MRTFB: variants seen among roughly 807,000 people sequenced by gnomAD.
The protein encoded by MRTFB is myocardin-related transcription factor B.
Under a neutral mutation model 104.2 loss-of-function variants are expected in MRTFB, and 29 were observed. The observed-to-expected ratio is 0.28, with a 90% CI of 0.21 to 0.38. The LOEUF (loss-of-function observed/expected upper bound fraction) is 0.38. Among genes scored for constraint, MRTFB ranks in the 10% least tolerant of loss-of-function variants. MRTFB has a pLI of 1.00. For synonymous variants in MRTFB, 535 were observed against 519.5 expected (o/e 1.03, Z -0.41); for missense variants, 1,270 against 1,341.6 (o/e 0.95, Z 0.83).
chr16:14,093,395 A>T (rs1179038357), intron 2 of MRTFB, among the ~76,000 whole-genome samples: 2 of 152,090 alleles, frequency 1.3e-5, no homozygotes, highest in Non-Finnish European at 2.9e-5. Context: ...TCCTTTTTTT[A>T]AATTTGCAGT....
At chr16:14,219,608 C>T (rs1251935154) in intron 8 of MRTFB, among the ~76,000 whole-genome samples, 2 of 152,162 alleles carry the variant, frequency 1.3e-5, no homozygotes, top group Admixed American at 6.6e-5. Flanking sequence ...TCTGCTTTAA[C>T]CCTTATACAA....
At chr16:14,162,359 G>GT (rs2039075145) in intron 3 of MRTFB, among the ~76,000 whole-genome samples, 1 of 148,120 alleles carries the variant, frequency 6.8e-6, no homozygotes, top group African/African-American at 2.6e-5. Context: ...AAAGATGATG[G>GT]GTTTTTTTTA....
chr16:14,216,857 A>G (rs1428691706), intron 6 of MRTFB, among the ~76,000 whole-genome samples: 1 of 152,198 alleles, frequency 6.6e-6, no homozygotes, highest in African/African-American at 2.4e-5. Context: ...ATAAACAAAC[A>G]ATAGCAGTGC....
chr16:14,146,433 C>G (rs1211955424), intron 3 of MRTFB, among the ~76,000 whole-genome samples: 1 of 152,144 alleles, frequency 6.6e-6, no homozygotes, highest in African/African-American at 2.4e-5. Context: ...TAAGATTTTC[C>G]ATCCATTAAA....
At chr16:14,050,025 G>A in the MRTFB span, among the ~76,000 whole-genome samples, 6 of 152,172 alleles carry the variant, frequency 3.9e-5, no homozygotes, top group Non-Finnish European at 8.8e-5. Context: ...GAGCCACCAC[G>A]CCTGGCCAGG....
At chr16:14,095,336 C>G (rs967408288) in intron 2 of MRTFB, among the ~76,000 whole-genome samples, 2 of 152,186 alleles carry the variant, frequency 1.3e-5, no homozygotes, top group Non-Finnish European at 2.9e-5. Flanking sequence ...GTAGAGGATT[C>G]AAGATGCCCT....
chr16:14,215,886 C>A (rs905831331), intron 6 of MRTFB, among the ~76,000 whole-genome samples: 3 of 152,188 alleles, frequency 2.0e-5, no homozygotes, highest in African/African-American at 4.8e-5. Context: ...ATGTTGCAAT[C>A]TTTTTCTCAA....
intron 2 of MRTFB, among the ~76,000 whole-genome samples, chr16:14,124,687 A>G (rs942282038): frequency 3.9e-5 from 6 of 152,204 alleles, no homozygotes; most frequent in Non-Finnish European, 8.8e-5. Flanking sequence ...GGACTTTTGC[A>G]TCGATATTCA....
the MRTFB span, among the ~76,000 whole-genome samples, chr16:14,008,700 G>A: frequency 6.6e-6 from 1 of 152,088 alleles, no homozygotes; most frequent in East Asian, 1.9e-4. Flanking sequence ...GGATTGGTTT[G>A]TTAACTTCTG....
chr16:14,259,441 G>A (rs185370162), intron 16 of MRTFB, among the ~76,000 whole-genome samples: 2 of 151,588 alleles, frequency 1.3e-5, no homozygotes, highest in Non-Finnish European at 2.9e-5. Flanking sequence ...CAGTAATAAC[G>A]AGAACCAAGT....
chr16:14,010,070 G>C, the MRTFB span, among the ~76,000 whole-genome samples: 1 of 152,096 alleles, frequency 6.6e-6, no homozygotes, highest in Admixed American at 6.6e-5. Flanking sequence ...CACTCTGCTT[G>C]GTGGGGAGAA....
chr16:14,120,186 T>C (rs1022258933), intron 2 of MRTFB, among the ~76,000 whole-genome samples: 2 of 152,220 alleles, frequency 1.3e-5, no homozygotes, highest in Non-Finnish European at 2.9e-5. Context: ...GATTAACCTT[T>C]TGTTGATATT....
chr16:14,064,944 C>G, the MRTFB span, among the ~76,000 whole-genome samples: 1 of 152,088 alleles, frequency 6.6e-6, no homozygotes, highest in Non-Finnish European at 1.5e-5. Context: ...TATTTGGGTT[C>G]TTTTTTGGTT....
rs2043833175 is a variant in MRTFB, at chr16:14,263,188, A to G, written c.*1744A>G. The G allele has an allele frequency of 6.6e-6, 1 of 152,236 alleles. No individual in the cohort carries two copies. Among genetic ancestry groups the G allele is most frequent in the South Asian group, 2.1e-4 (1 of 4,822 alleles). 9.4% of individuals were successfully genotyped at this position (152,236 alleles called of 1,614,324 possible). ...AGGCAGAGGCCACTGTGCTCAGTGTAGTCTGTGATGAATAGTTTAAGTGTT... is the reference window on the plus strand; with the variant it reads ...AGGCAGAGGCCACTGTGCTCAGTGTGGTCTGTGATGAATAGTTTAAGTGTT... On this transcript the variant is annotated 3_prime_UTR_variant, in exon 17 of 17. Transcript: ENST00000571589.
At chr16:14,099,146 G>C (rs1328414572) in intron 2 of MRTFB, among the ~76,000 whole-genome samples, 1 of 152,146 alleles carries the variant, frequency 6.6e-6, no homozygotes, top group Non-Finnish European at 1.5e-5. Flanking sequence ...GATATTGATA[G>C]TCAGTTTGGA....
At chr16:14,200,273 A>C in intron 3 of MRTFB, 3 of 1,537,194 alleles carry the variant, frequency 2.0e-6, no homozygotes, top group Non-Finnish European at 1.8e-6. Context: ...CCTTTAAGAA[A>C]GAGCTAGATT....
chr16:14,038,342 G>T, the MRTFB span, among the ~76,000 whole-genome samples: 2 of 152,120 alleles, frequency 1.3e-5, no homozygotes, highest in Non-Finnish European at 2.9e-5. Context: ...ACATTCTGAA[G>T]TGCTATGGGT....
the MRTFB span, among the ~76,000 whole-genome samples, chr16:14,050,748 T>G: frequency 6.6e-6 from 1 of 152,096 alleles, no homozygotes; most frequent in Non-Finnish European, 1.5e-5. Context: ...GTTTTCAGAC[T>G]CGGTTTTCTC....
At chr16:14,229,987 CAG>C (rs1336678219) in intron 8 of MRTFB, among the ~76,000 whole-genome samples, 3 of 151,996 alleles carry the variant, frequency 2.0e-5, no homozygotes, top group Non-Finnish European at 4.4e-5. Flanking sequence ...TAGGTCTCGG[CAG>C]CAATTTAAAC....
Sources: allele counts gnomAD v4.1 joint callset (sites outside exome capture counted in the v4.1 genomes callset), GRCh38; gene constraint gnomAD v4.1.1; transcripts MANE v1.5; gene names NCBI Gene and HGNC (gene_info 2026-07-23, HGNC 2026-07-21).